The following FAR2 variants were observed in gnomAD, a reference collection of about 807,000 sequenced individuals.
The protein encoded by FAR2 is fatty acyl-CoA reductase 2, also known as epididymis secretory protein Li 81.
A neutral mutation model predicts 56.0 loss-of-function variants in FAR2; 19 were observed. The ratio of observed to expected loss-of-function variants is 0.34; its 90% CI spans 0.24 to 0.50. The LOEUF is 0.50. Ranked by LOEUF, FAR2 falls within the 20% of genes least tolerant of loss-of-function variation. The pLI is 0.98. For synonymous variants in FAR2, 219 were observed against 218.8 expected (o/e 1.00, Z -0.01); for missense variants, 508 against 642.2 (o/e 0.79, Z 2.26).
chr12:29,273,990 G>C (rs138038636), intron 2 of FAR2, among the ~76,000 whole-genome samples: 2 of 152,300 alleles, frequency 1.3e-5, no homozygotes, highest in East Asian at 3.9e-4. Flanking sequence ...TTTGATGAGA[G>C]AACCTGGATA....
chr12:29,223,990 C>G (rs1361330931), intron 1 of FAR2: 1 of 152,180 alleles, frequency 6.6e-6, no homozygotes, highest in Non-Finnish European at 1.5e-5. Context: ...AGAGACTGGT[C>G]TTTTTACCTC....
chr12:29,269,677 A>G (rs961115543), intron 1 of FAR2, among the ~76,000 whole-genome samples: 8 of 152,238 alleles, frequency 5.3e-5, no homozygotes, highest in African/African-American at 1.9e-4. Context: ...AGAAACTAAT[A>G]AATGTCTATG....
intron 6 of FAR2, among the ~76,000 whole-genome samples, chr12:29,310,404 A>G (rs1217401324): frequency 1.3e-5 from 2 of 152,192 alleles, no homozygotes; most frequent in Admixed American, 1.3e-4. Flanking sequence ...ATTAACATGA[A>G]TAATTCCTAA....
intron 1 of FAR2, among the ~76,000 whole-genome samples, chr12:29,205,926 A>T (rs1947473814): frequency 6.6e-6 from 1 of 152,160 alleles, no homozygotes; most frequent in Admixed American, 6.5e-5. Context: ...TAAAAAAACC[A>T]ATCCCTCTAC....
chr12:29,229,252 T>C (rs1431470600), intron 1 of FAR2, among the ~76,000 whole-genome samples: 1 of 152,220 alleles, frequency 6.6e-6, no homozygotes. Flanking sequence ...TCTTTCTTAA[T>C]AGATCCTTAC....
chr12:29,297,669 G>A (rs970903580), intron 4 of FAR2, among the ~76,000 whole-genome samples: 1 of 152,176 alleles, frequency 6.6e-6, no homozygotes, highest in African/African-American at 2.4e-5. Flanking sequence ...CCATTTTATA[G>A]TTGTGAGGTT....
At chr12:29,241,801 T>G (rs1948040827) in intron 1 of FAR2, among the ~76,000 whole-genome samples, 1 of 152,250 alleles carries the variant, frequency 6.6e-6, no homozygotes, top group Non-Finnish European at 1.5e-5. Flanking sequence ...CTGCTTTTCA[T>G]TTCCGAGGAG....
chr12:29,269,646 A>G (rs1948579863), intron 1 of FAR2, among the ~76,000 whole-genome samples: 1 of 152,224 alleles, frequency 6.6e-6, no homozygotes, highest in Non-Finnish European at 1.5e-5. Context: ...AGGCATAATA[A>G]ATTATAAAAG....
At chr12:29,205,510 C>T (rs976567459) in intron 1 of FAR2, among the ~76,000 whole-genome samples, 1 of 152,178 alleles carries the variant, frequency 6.6e-6, no homozygotes, top group Non-Finnish European at 1.5e-5. Context: ...ATCTATTCCA[C>T]ACTTTAAGCT....
In FAR2 at chr12:29,321,815, G is replaced by A. The variant is rs149842222; in HGVS notation, c.1148G>A (p.Arg383Gln). 2.0e-5 allele frequency: 32 copies of A among 1,613,380 alleles called. No individual in the cohort carries two copies. Among genetic ancestry groups the A allele is most frequent in the East Asian group, 6.7e-5 (3 of 44,840 alleles). The change falls in exon 10 of 12, where the codon CGG becomes CAG. Residue 383 changes from arginine (R) to glutamine (Q), a missense_variant. Arg to Gln is a conservative substitution (Grantham distance 43). Transcript: ENST00000536681. ...CTCAGGATGACAAAGCTCATGAATC[G>A]GCTTTTAAGAACTGTTTCCATGTTG... The part of the protein sequence containing the change: ...RKPRMTKLMN[R>Q]LLRTVSMLEY...
intron 1 of FAR2, among the ~76,000 whole-genome samples, chr12:29,241,285 T>C (rs1419249911): frequency 2.6e-5 from 4 of 151,762 alleles, no homozygotes; most frequent in Non-Finnish European, 5.9e-5. Flanking sequence ...CCACTTCATC[T>C]TTTTTTTTCT....
intron 1 of FAR2, among the ~76,000 whole-genome samples, chr12:29,155,238 G>C (rs533439060): frequency 6.6e-6 from 1 of 152,184 alleles, no homozygotes; most frequent in Non-Finnish European, 1.5e-5. Context: ...CTTAGGTCCC[G>C]TGGTAGGCCT....
intron 2 of FAR2, among the ~76,000 whole-genome samples, chr12:29,289,385 A>T (rs1447393524): frequency 6.6e-6 from 1 of 152,190 alleles, no homozygotes; most frequent in Non-Finnish European, 1.5e-5. Context: ...TCAGAAAAAA[A>T]TCCACACACC....
At chr12:29,235,594 C>CT (rs1387767753) in intron 1 of FAR2, among the ~76,000 whole-genome samples, 1 of 152,238 alleles carries the variant, frequency 6.6e-6, no homozygotes, top group Non-Finnish European at 1.5e-5. Context: ...AATGGCTGAG[C>CT]TTTTTTCTCC....
At position 29,229,939 on chromosome 12, in the gene FAR2, G is replaced by A. The variant is rs895606139; in HGVS notation, c.-38-40473G>A. On this transcript the variant is annotated intron_variant, in intron 1 of 11. Coordinates refer to ENST00000536681, the MANE Select transcript of FAR2 (RefSeq NM_001271783.2). ...GGAGAACATTCTAGATAAAGGGAAC[G>A]GCATTCATTCTTCCTGCAGCCTTTC... 5.3e-5 allele frequency among the ~76,000 whole-genome samples: 8 copies of A among 152,090 alleles called. No homozygotes were observed. The South Asian group carries it at 6.3e-4, about 12-fold the overall frequency.
At chr12:29,254,487 A>C (rs1213295800) in intron 1 of FAR2, among the ~76,000 whole-genome samples, 4 of 152,132 alleles carry the variant, frequency 2.6e-5, no homozygotes, top group Non-Finnish European at 5.9e-5. Flanking sequence ...GGAGTGTGCC[A>C]TTGTGCCCAG....
chr12:29,295,813 C>G (rs1949058958), intron 3 of FAR2, among the ~76,000 whole-genome samples: 2 of 125,494 alleles, frequency 1.6e-5, no homozygotes, highest in Admixed American at 9.6e-5. Context: ...CCAGGCCGGA[C>G]TGCGGACTGC....
intron 1 of FAR2, among the ~76,000 whole-genome samples, chr12:29,234,777 C>T (rs1947912465): frequency 1.3e-5 from 2 of 152,200 alleles, no homozygotes; most frequent in Admixed American, 6.5e-5. Context: ...CCTACTTATA[C>T]TGTCAAATGC....
chr12:29,239,755 T>C (rs1358272645), intron 1 of FAR2, among the ~76,000 whole-genome samples: 3 of 152,206 alleles, frequency 2.0e-5, no homozygotes, highest in Admixed American at 1.3e-4. Flanking sequence ...AAATCCTTTA[T>C]ATATATGAAC....
Sources: gnomAD v4.1 joint callset for allele counts (sites outside exome capture counted in the v4.1 genomes callset) on GRCh38, gnomAD v4.1.1 for gene constraint, MANE v1.5 for transcripts, NCBI Gene and HGNC (gene_info 2026-07-23, HGNC 2026-07-21) for gene names.